ZNF608: variants seen among roughly 807,000 people sequenced by gnomAD.
ZNF608 encodes zinc finger protein 608, also known as renal carcinoma antigen NY-REN-36.
A neutral mutation model predicts 109.0 loss-of-function variants in ZNF608; 12 were observed. That is an observed-to-expected ratio of 0.11 (90% confidence interval 0.07 to 0.18). ZNF608 has a LOEUF of 0.18. Among genes scored for constraint, ZNF608 ranks in the 10% least tolerant of loss-of-function variants. ZNF608 has a pLI of 1.00. For synonymous variants in ZNF608, 732 were observed against 717.4 expected (o/e 1.02, Z -0.33); for missense variants, 1,707 against 1,879.3 (o/e 0.91, Z 1.70).
chr5:124,685,021 A>G (rs988829556), intron 3 of ZNF608, among the ~76,000 whole-genome samples: 1 of 152,236 alleles, frequency 6.6e-6, no homozygotes, highest in Non-Finnish European at 1.5e-5. Flanking sequence ...ATGCCCTTTC[A>G]GAGGATCTTA....
At chr5:124,702,860 G>A (rs1753109811) in intron 2 of ZNF608, among the ~76,000 whole-genome samples, 1 of 152,178 alleles carries the variant, frequency 6.6e-6, no homozygotes, top group Admixed American at 6.5e-5. Context: ...CAGATACTGT[G>A]ATTTATGCTT....
At chr5:124,687,562 C>G (rs917173230) in intron 3 of ZNF608, among the ~76,000 whole-genome samples, 1 of 152,206 alleles carries the variant, frequency 6.6e-6, no homozygotes, top group African/African-American at 2.4e-5. Flanking sequence ...AAGCACCTTG[C>G]CTGCCTCACA....
intron 2 of ZNF608, among the ~76,000 whole-genome samples, chr5:124,719,865 G>A (rs1007413872): frequency 1.3e-5 from 2 of 152,198 alleles, no homozygotes; most frequent in African/African-American, 4.8e-5. Flanking sequence ...AAGGGCAAGA[G>A]CTGTGCTTCT....
At chr5:124,677,044 A>G (rs1275598726) in intron 3 of ZNF608, among the ~76,000 whole-genome samples, 1 of 152,218 alleles carries the variant, frequency 6.6e-6, no homozygotes, top group Non-Finnish European at 1.5e-5. Context: ...GTTTGCTTTC[A>G]TGTTGTTTCT....
intron 8 of ZNF608, among the ~76,000 whole-genome samples, chr5:124,640,790 C>A (rs1241990022): frequency 6.6e-6 from 1 of 152,156 alleles, no homozygotes; most frequent in East Asian, 1.9e-4. Flanking sequence ...GAAGAACCCT[C>A]GAATGAGGTT....
intron 2 of ZNF608, among the ~76,000 whole-genome samples, chr5:124,735,802 C>A (rs546684742): frequency 2.2e-4 from 33 of 152,338 alleles, no homozygotes; most frequent in African/African-American, 6.7e-4. Flanking sequence ...TCTGTTTTAA[C>A]ATCATGTTGC....
At chr5:124,746,129 A>G (rs1749632053) in intron 1 of ZNF608, 66 bp downstream of exon 1, 1 of 985,092 alleles carries the variant, frequency 1.0e-6, no homozygotes, top group Non-Finnish European at 1.2e-6. Context: ...TTAACAGTTG[A>G]TTGTCAAGAA....
chr5:124,650,171 G>GA, intron 3 of ZNF608, among the ~76,000 whole-genome samples: 1 of 152,278 alleles, frequency 6.6e-6, no homozygotes, highest in South Asian at 2.1e-4. Context: ...TTTTTATTAA[G>GA]AAAAAATAAT....
chr5:124,656,098 C>G (rs1750992903), intron 3 of ZNF608, among the ~76,000 whole-genome samples: 1 of 152,114 alleles, frequency 6.6e-6, no homozygotes, highest in South Asian at 2.1e-4. Flanking sequence ...TAAACACATC[C>G]TGTAATCAAA....
chr5:124,745,286 G>A (rs1749599763), intron 1 of ZNF608, 114 bp from the exon 2 acceptor site: 2 of 953,340 alleles, frequency 2.1e-6, no homozygotes, highest in Admixed American at 4.2e-5. Context: ...GAGTAAGGTG[G>A]CTCATGTATT....
At chr5:124,732,650 C>G (rs1442304828) in intron 2 of ZNF608, among the ~76,000 whole-genome samples, 1 of 151,934 alleles carries the variant, frequency 6.6e-6, no homozygotes, top group Non-Finnish European at 1.5e-5. Flanking sequence ...GAGTCCCTTT[C>G]TATTCAGAAA....
intron 2 of ZNF608, among the ~76,000 whole-genome samples, chr5:124,723,348 G>T (rs1162382669): frequency 6.6e-6 from 1 of 152,110 alleles, no homozygotes. Context: ...TGGCTAAGGG[G>T]TTTTGTATTG....
intron 2 of ZNF608, chr5:124,708,570 C>T: frequency 2.7e-6 from 1 of 373,434 alleles, no homozygotes; most frequent in Non-Finnish European, 5.3e-6. Flanking sequence ...ATAATACAAT[C>T]CCTTCAGAAA....
In ZNF608 at chr5:124,687,624, T is replaced by C. The variant is rs116764896; in HGVS notation, c.1162+13390A>G. On this transcript the variant is annotated intron_variant, in intron 3 of 9. Transcript: ENST00000513986. ...CTGACTGGGTTATGTCAGACTTCGC[T>C]AGATACCCTGCAATTGTGCCCACGA... 5.6e-3 allele frequency among the ~76,000 whole-genome samples: 859 copies of C among 152,294 alleles called. 9 individuals carry two copies. The highest frequency in any genetic ancestry group is 8.0e-3 in the Non-Finnish European group (542 of 68,026).
At chr5:124,666,155 A>C (rs1332213193) in intron 3 of ZNF608, 1 of 152,212 alleles carries the variant, frequency 6.6e-6, no homozygotes, top group Non-Finnish European at 1.5e-5. Context: ...GTAAATCTTA[A>C]AGCCATAGTT....
intron 2 of ZNF608, among the ~76,000 whole-genome samples, chr5:124,741,283 T>C (rs1749383002): frequency 6.6e-6 from 1 of 151,842 alleles, no homozygotes; most frequent in Non-Finnish European, 1.5e-5. Context: ...CATGACTTTG[T>C]GTAGTGAAGA....
chr5:124,649,878 AAAT>A (rs548035968), intron 3 of ZNF608, among the ~76,000 whole-genome samples, 181 bp from the exon 4 acceptor site: 155 of 152,328 alleles, frequency 1.0e-3, no homozygotes, highest in African/African-American at 3.3e-3. Context: ...AACCCACAGG[AAAT>A]AATGTGTGTT....
intron 2 of ZNF608, among the ~76,000 whole-genome samples, chr5:124,702,552 T>C (rs1239066828): frequency 1.3e-5 from 2 of 151,866 alleles, no homozygotes; most frequent in African/African-American, 2.4e-5. Flanking sequence ...TCAAGAGTCA[T>C]ATGAGGAAGT....
At chr5:124,724,030 G>C (rs1417685343) in intron 2 of ZNF608, among the ~76,000 whole-genome samples, 1 of 152,042 alleles carries the variant, frequency 6.6e-6, no homozygotes, top group African/African-American at 2.4e-5. Flanking sequence ...ATAACTCACA[G>C]TATTAAATTG....
Sources: gnomAD v4.1 joint callset for allele counts (sites outside exome capture counted in the v4.1 genomes callset) on GRCh38, gnomAD v4.1.1 for gene constraint, MANE v1.5 for transcripts, NCBI Gene and HGNC (gene_info 2026-07-23, HGNC 2026-07-21) for gene names.